Variants in CCR8 observed in about 807,000 individuals in gnomAD.
CCR8 encodes C-C chemokine receptor type 8.
For synonymous variants in CCR8, 156 were observed against 165.7 expected, an observed-to-expected ratio of 0.94 and a Z score of 0.45; for missense variants, 358 against 417.5, an observed-to-expected ratio of 0.86 and a Z score of 1.24.
rs140520809 is a variant in CCR8 at position 39,332,902 on chromosome 3, A to C, written c.571A>C (p.Thr191Pro). Residue 191 changes from threonine to proline, a missense_variant, in exon 2 of 2, where the codon ACT (threonine) becomes CCT (proline). Physicochemically the swap from Thr to Pro is conservative, Grantham distance 38. Transcript: ENST00000326306. ...LQCYSFYNQQ[T>P]LKWKIFTNFK... ...GTGTTATTCATTTTACAATCAACAG[A>C]CTTTGAAGTGGAAGATCTTCACCAA... 15 of 1,614,012 alleles carry C rather than the reference A, an allele frequency of 9.3e-6. No individual in the cohort carries two copies. The highest frequency in any genetic ancestry group is 1.1e-5 in the Non-Finnish European group (13 of 1,180,016).
rs201924533 is a variant in CCR8, at chr3:39,330,996, AG to A, written c.-15+1168del. Among the ~76,000 whole-genome samples, 7 of 152,192 alleles carry A rather than the reference AG, an allele frequency of 4.6e-5. No homozygotes were observed. In the East Asian group the frequency reaches 1.4e-3, roughly 29 times the overall value. On this transcript the variant is annotated intron_variant, in intron 1 of 1. Transcript: ENST00000326306. ...TCTCTATTGCATCAGAAATAAAAAA[AG>A]AAAGAGGGATGGAAGGAAGAGAGGG...
chr3:39,332,118 G>T (rs749468889), intron 1 of CCR8, among the ~76,000 whole-genome samples, 200 bp from the exon 2 acceptor site: 2 of 152,114 alleles, frequency 1.3e-5, no homozygotes, highest in African/African-American at 4.8e-5. Context: ...ACAGCTCCCG[G>T]TCTATCATTT....
chr3:39,332,223 G>C (rs1292010462), intron 1 of CCR8, 95 bp from the exon 2 acceptor site: 1 of 710,862 alleles, frequency 1.4e-6, no homozygotes, highest in African/African-American at 1.8e-5. Context: ...CATGAATTTG[G>C]GGAGGACACA....
At position 39,332,826 on chromosome 3, in the gene CCR8, C is replaced by T. The variant is rs1193824611; in HGVS notation, c.495C>T (p.Thr165=). ...LAVWLTAIMA[T]IPLLVFYQVA... is the part of the protein sequence containing the mutation. ...TATGGCTAACCGCCATTATGGCTAC[C>T]ATCCCATTGCTAGTGTTTTACCAAG... The change falls in exon 2 of 2, where the codon ACC becomes ACT. Residue 165 remains threonine, a synonymous_variant. Coordinates refer to ENST00000326306, the MANE Select transcript of CCR8 (RefSeq NM_005201.4). 6.2e-7 allele frequency: 1 copy of T among 1,614,172 alleles called. No homozygotes were observed. Among genetic ancestry groups the T allele is most frequent in the South Asian group, 1.1e-5 (1 of 91,084 alleles).
chr3:39,333,174 C>A lies in CCR8; in HGVS notation c.843C>A (p.Ala281=). 1 of 1,614,052 alleles carries A rather than the reference C, an allele frequency of 6.2e-7. No individual in the cohort carries two copies. Among genetic ancestry groups the A allele is most frequent in the Non-Finnish European group, 8.5e-7 (1 of 1,179,956 alleles). ...GCSISQQLTY[A]THVTEIISFT... Reference sequence around the variant, plus strand: ...GCATAAGCCAACAGCTGACTTATGCCACCCATGTCACAGAAATCATTTCCT... The same window carrying A: ...GCATAAGCCAACAGCTGACTTATGCAACCCATGTCACAGAAATCATTTCCT... The change falls in exon 2 of 2, where the codon GCC becomes GCA. Residue 281 remains alanine (A), a synonymous_variant. Coordinates refer to ENST00000326306, the MANE Select transcript of CCR8 (RefSeq NM_005201.4).
chr3:39,331,626 C>A (rs890145761), intron 1 of CCR8, among the ~76,000 whole-genome samples: 1 of 151,626 alleles, frequency 6.6e-6, no homozygotes, highest in African/African-American at 2.4e-5. Context: ...TGGCACCATG[C>A]CTGGCTAATT....
chr3:39,331,013 G>A (rs2041251165), intron 1 of CCR8, among the ~76,000 whole-genome samples: 1 of 151,664 alleles, frequency 6.6e-6, no homozygotes, highest in Admixed American at 6.6e-5. Flanking sequence ...GGGATGGAAG[G>A]AAGAGAGGGA....
chr3:39,331,406 T>C (rs1164728935), intron 1 of CCR8, among the ~76,000 whole-genome samples: 3 of 152,186 alleles, frequency 2.0e-5, no homozygotes, highest in Admixed American at 6.5e-5. Context: ...CTTGTGTCTC[T>C]TTCTCTTCTG....
At position 39,332,731 on chromosome 3, in the gene CCR8, G is replaced by A; in HGVS notation, c.400G>A (p.Ala134Thr). ...ITLMSVDRYL[A>T]VVHAVYALKV... ...CCTCATGAGTGTGGACAGGTACCTG[G>A]CTGTTGTCCATGCCGTGTATGCCCT... The change falls in exon 2 of 2, where the codon GCT (alanine) becomes ACT (threonine). Residue 134 changes from alanine (A) to threonine (T), a missense_variant. Coordinates refer to ENST00000326306, the MANE Select transcript of CCR8 (RefSeq NM_005201.4). 1 of 1,614,128 alleles carries A rather than the reference G, an allele frequency of 6.2e-7. No homozygotes were observed. The highest frequency in any genetic ancestry group is 8.5e-7 in the Non-Finnish European group (1 of 1,180,016).
At position 39,332,954 on chromosome 3, in the gene CCR8, T is replaced by G. The variant is rs781740156; in HGVS notation, c.623T>G (p.Leu208Trp). The change falls in exon 2 of 2, where the codon TTG (leucine) becomes TGG (tryptophan). Residue 208 changes from leucine to tryptophan, a missense_variant. By Grantham distance (61) the Leu-to-Trp change is moderately conservative. Coordinates refer to ENST00000326306, the MANE Select transcript of CCR8 (RefSeq NM_005201.4). Reference sequence around the variant, plus strand: ...TTCAAAATGAACATTTTAGGCTTGTTGATCCCATTCACCATCTTTATGTTC... The same window carrying G: ...TTCAAAATGAACATTTTAGGCTTGTGGATCCCATTCACCATCTTTATGTTC... ...TNFKMNILGLLIPFTIFMFCY... is the reference protein window; with the variant it reads ...TNFKMNILGLWIPFTIFMFCY... 2 of 1,614,180 alleles carry G rather than the reference T, an allele frequency of 1.2e-6. No homozygotes were observed. The highest frequency in any genetic ancestry group is 1.7e-6 in the Non-Finnish European group (2 of 1,180,014).
At position 39,333,209 on chromosome 3, in the gene CCR8, G is replaced by A; in HGVS notation, c.878G>A (p.Cys293Tyr). ...HVTEIISFTH[C>Y]CVNPVIYAFV... ...ACAGAAATCATTTCCTTTACTCACT[G>A]CTGTGTGAACCCTGTTATCTATGCT... is the stretch of plus-strand genomic sequence containing the variant. The change falls in exon 2 of 2, where the codon TGC becomes TAC. Residue 293 changes from cysteine (C) to tyrosine (Y), a missense_variant. By Grantham distance (194) the Cys-to-Tyr change is radical. Transcript: ENST00000326306. 6.2e-7 allele frequency: 1 copy of A among 1,614,100 alleles called. No individual in the cohort carries two copies. The highest frequency in any genetic ancestry group is 8.5e-7 in the Non-Finnish European group (1 of 1,180,016).
rs1039677175 is a variant in CCR8 at position 39,330,120 on chromosome 3, A to G, written c.-15+291A>G. ...GGTAGATAAGAGAAGATCCTTTATA[A>G]TACCAGGCATCTGGGAAGATCTGTC... On this transcript the variant is annotated intron_variant, in intron 1 of 1. Coordinates refer to ENST00000326306, the MANE Select transcript of CCR8 (RefSeq NM_005201.4). Among the ~76,000 whole-genome samples the G allele has an allele frequency of 5.3e-5, 8 of 152,172 alleles. No individual in the cohort carries two copies. The South Asian group carries it at 1.7e-3, about 31-fold the overall frequency.
rs148331364 is a variant in CCR8, at chr3:39,330,631, C to T, written c.-15+802C>T. On this transcript the variant is annotated intron_variant, in intron 1 of 1. Coordinates refer to ENST00000326306, the MANE Select transcript of CCR8 (RefSeq NM_005201.4). ...CTAGTAATGCTAGTAATTTTCATTG[C>T]TAGTATAATTGGGATCATTTTTCTA... Among the ~76,000 whole-genome samples the T allele has an allele frequency of 2.6e-5, 4 of 152,006 alleles. No homozygotes were observed. The East Asian group carries it at 7.7e-4, about 29-fold the overall frequency.
rs748419700 is a variant in CCR8 at position 39,332,420 on chromosome 3, T to C, written c.89T>C (p.Ile30Thr). Residue 30 changes from isoleucine (I) to threonine (T), a missense_variant, in exon 2 of 2, where the codon ATT becomes ACT. Transcript: ENST00000326306. ...TCAAGCCCCTGTGATGCGGAACTTA[T>C]TCAGACAAATGGCAAGTTGCTCCTT... is the stretch of plus-strand genomic sequence containing the variant. Reference protein sequence around the residue: ...IFSSPCDAELIQTNGKLLLAV... With the variant: ...IFSSPCDAELTQTNGKLLLAV... The C allele has an allele frequency of 3.7e-6, 6 of 1,614,144 alleles. No homozygotes were observed. The highest frequency in any genetic ancestry group is 2.2e-5 in the South Asian group (2 of 91,086).
intron 1 of CCR8, 122 bp downstream of exon 1, chr3:39,329,951 T>G (rs1277818911): frequency 6.6e-6 from 1 of 152,236 alleles, no homozygotes; most frequent in Non-Finnish European, 1.5e-5. Flanking sequence ...AAGTAAAATT[T>G]TTTTTTAAAT....
In CCR8 at chr3:39,333,239, T is replaced by C. The variant is rs767916882; in HGVS notation, c.908T>C (p.Val303Ala). 4.3e-6 allele frequency: 7 copies of C among 1,613,996 alleles called. No individual in the cohort carries two copies. Among genetic ancestry groups the C allele is most frequent in the Non-Finnish European group, 5.9e-6 (7 of 1,180,020 alleles). The change falls in exon 2 of 2, where the codon GTT becomes GCT. Residue 303 changes from valine to alanine, a missense_variant. By Grantham distance (64) the Val-to-Ala change is moderately conservative. Coordinates refer to ENST00000326306, the MANE Select transcript of CCR8 (RefSeq NM_005201.4). ...GTGAACCCTGTTATCTATGCTTTTG[T>C]TGGGGAGAAGTTCAAGAAACACCTC... ...CCVNPVIYAF[V>A]GEKFKKHLSE...
Position 39,333,060 on chromosome 3 carries a change from G to A in CCR8, c.729G>A (p.Val243=), listed in dbSNP as rs143296131. The change falls in exon 2 of 2, where the codon GTG becomes GTA. Residue 243 remains valine (V), a synonymous_variant. Coordinates refer to ENST00000326306, the MANE Select transcript of CCR8 (RefSeq NM_005201.4). ...KTKAIRLVLI[V]VIASLLFWVP... Reference sequence around the variant, plus strand: ...AGGCCATCAGGTTGGTGCTCATTGTGGTCATTGCATCTTTACTTTTCTGGG... The same window carrying A: ...AGGCCATCAGGTTGGTGCTCATTGTAGTCATTGCATCTTTACTTTTCTGGG... 3.7e-6 allele frequency: 6 copies of A among 1,613,932 alleles called. No homozygotes were observed. The South Asian group carries it at 6.6e-5, about 18-fold the overall frequency.
At chr3:39,332,245 A>G in intron 1 of CCR8, 73 bp from the exon 2 acceptor site, 1 of 884,852 alleles carries the variant, frequency 1.1e-6, no homozygotes, top group Admixed American at 2.1e-5. Context: ...TTCAGTCCAT[A>G]ACATCCCCCT....
Position 39,329,846 on chromosome 3 carries a change from T to A in CCR8, c.-15+17T>A, listed in dbSNP as rs543771921. On this transcript the variant is annotated intron_variant, in intron 1 of 1. Transcript: ENST00000326306. ...GTCACTAAGGTATGTGCTACAAGCA[T>A]CCTTGGGGAAGAAGGGCATGAGTAG... The A allele has an allele frequency of 2.6e-5, 4 of 152,348 alleles. No individual in the cohort carries two copies. Among genetic ancestry groups the A allele is most frequent in the African/African-American group, 9.6e-5 (4 of 41,566 alleles). The allele number at this position is 152,348 out of a possible 1,614,324, so 9.4% of individuals were successfully genotyped here.
Sources: gnomAD v4.1 joint callset for allele counts (sites outside exome capture counted in the v4.1 genomes callset) on GRCh38, gnomAD v4.1.1 for gene constraint, MANE v1.5 for transcripts, NCBI Gene and HGNC (gene_info 2026-07-23, HGNC 2026-07-21) for gene names.